FIP1L1: variants seen among roughly 807,000 people sequenced by gnomAD.
The protein encoded by FIP1L1 is factor interacting with PAPOLA and CPSF1, also known as pre-mRNA 3'-end-processing factor FIP1.
A neutral mutation model predicts 84.6 loss-of-function variants in FIP1L1; 21 were observed. The observed-to-expected ratio is 0.25, with a 90% CI of 0.18 to 0.36. The LOEUF is 0.36. Among genes scored for constraint, FIP1L1 ranks in the 10% least tolerant of loss-of-function variants. FIP1L1 has a pLI of 1.00. For synonymous variants in FIP1L1, 263 were observed against 242.3 expected, an observed-to-expected ratio of 1.09 and a Z score of -0.80; for missense variants, 526 against 751.1, an observed-to-expected ratio of 0.70 and a Z score of 3.50.
intron 3 of FIP1L1, among the ~76,000 whole-genome samples, chr4:53,381,383 A>G (rs1737777813): frequency 6.6e-6 from 1 of 152,112 alleles, no homozygotes. Context: ...CAATTGTGTT[A>G]TATCTATCCA....
At chr4:53,399,136 G>GA (rs1160088857) in intron 9 of FIP1L1, among the ~76,000 whole-genome samples, 2 of 152,216 alleles carry the variant, frequency 1.3e-5, no homozygotes, top group African/African-American at 4.8e-5. Context: ...CTGGGTGACA[G>GA]AGTGAGAAGA....
chr4:53,381,506 C>T (rs568924136), intron 3 of FIP1L1, among the ~76,000 whole-genome samples: 1 of 152,228 alleles, frequency 6.6e-6, no homozygotes, highest in South Asian at 2.1e-4. Context: ...ACAATTATAG[C>T]TGCATATTTG....
chr4:53,383,033 T>C (rs951408897), intron 4 of FIP1L1, among the ~76,000 whole-genome samples: 22 of 152,012 alleles, frequency 1.4e-4, no homozygotes, highest in African/African-American at 4.6e-4. Flanking sequence ...TTTTTTTAAT[T>C]CTTTAATTGA....
chr4:53,455,242 A>G (rs1157418177), intron 16 of FIP1L1, among the ~76,000 whole-genome samples: 1 of 152,190 alleles, frequency 6.6e-6, no homozygotes, highest in Admixed American at 6.5e-5. Flanking sequence ...TCATGTGTTC[A>G]CTGGAGTAGC....
intron 11 of FIP1L1, among the ~76,000 whole-genome samples, chr4:53,417,738 AACACACAC>A (rs371194870): frequency 1.4e-5 from 1 of 70,392 alleles, no homozygotes; most frequent in African/African-American, 7.5e-5. Flanking sequence ...TCTCTTTTTA[AACACACAC>A]ACACACACAC....
At chr4:53,439,140 T>C (rs1304485903) in intron 13 of FIP1L1, among the ~76,000 whole-genome samples, 2 of 152,180 alleles carry the variant, frequency 1.3e-5, no homozygotes, top group Admixed American at 1.3e-4. Context: ...TTTAATGATC[T>C]GCCTTCCTTA....
intron 16 of FIP1L1, among the ~76,000 whole-genome samples, chr4:53,454,141 G>A (rs1717659781): frequency 1.3e-5 from 2 of 152,180 alleles, no homozygotes. Context: ...TTTATATTCT[G>A]TCAGTGCAAA....
chr4:53,456,206 G>A (rs1718817933), intron 16 of FIP1L1, among the ~76,000 whole-genome samples: 1 of 152,064 alleles, frequency 6.6e-6, no homozygotes, highest in South Asian at 2.1e-4. Flanking sequence ...AAAATAAATT[G>A]CTTTGCCAAG....
rs1218568164 is a variant in FIP1L1, at chr4:53,452,990, C to T, written c.1356C>T (p.Asp452=). The change falls in exon 16 of 18, where the codon GAC becomes GAT. Residue 452 remains aspartate (D), a synonymous_variant. Transcript: ENST00000337488. ...PSLVDTSKQW[D]YYARREKDRD... The stretch of plus-strand genomic sequence containing the variant: ...TTGTGGACACCAGCAAGCAGTGGGA[C>T]TATTATGCCAGAAGAGAGAAAGACC... 2 of 1,613,488 alleles carry T rather than the reference C, an allele frequency of 1.2e-6. No individual in the cohort carries two copies. The highest frequency in any genetic ancestry group is 1.7e-4 in the Middle Eastern group (1 of 5,914).
At chr4:53,391,382 A>T in intron 8 of FIP1L1, 48 bp from the exon 9 acceptor site, 1 of 1,499,894 alleles carries the variant, frequency 6.7e-7, no homozygotes, top group Non-Finnish European at 9.3e-7. Context: ...TGGCCTATTA[A>T]TTAAATATTA....
intron 14 of FIP1L1, 131 bp from the exon 15 acceptor site, chr4:53,443,917 G>T: frequency 3.8e-6 from 2 of 524,834 alleles, no homozygotes; most frequent in African/African-American, 1.9e-5. Flanking sequence ...TAAAATTATA[G>T]AACTAAATTA....
At chr4:53,397,830 A>G (rs1748208873) in intron 9 of FIP1L1, among the ~76,000 whole-genome samples, 1 of 152,182 alleles carries the variant, frequency 6.6e-6, no homozygotes, top group Non-Finnish European at 1.5e-5. Flanking sequence ...TGATGGTGCC[A>G]TTTATTTATA....
intron 3 of FIP1L1, among the ~76,000 whole-genome samples, chr4:53,381,503 T>C (rs952479386): frequency 6.6e-6 from 1 of 152,208 alleles, no homozygotes; most frequent in Non-Finnish European, 1.5e-5. Context: ...TGAACAATTA[T>C]AGCTGCATAT....
At chr4:53,405,151 T>G (rs1452592167) in intron 10 of FIP1L1, among the ~76,000 whole-genome samples, 38 of 152,228 alleles carry the variant, frequency 2.5e-4, no homozygotes, top group African/African-American at 7.2e-4. Flanking sequence ...GGTCTAACAT[T>G]TAAGTCTTTA....
At chr4:53,379,489 T>C (rs554995229) in intron 3 of FIP1L1, among the ~76,000 whole-genome samples, 3 of 152,344 alleles carry the variant, frequency 2.0e-5, no homozygotes, top group African/African-American at 7.2e-5. Context: ...AACTTAGGAT[T>C]GGACTGATTT....
chr4:53,443,369 C>T (rs1357993128), intron 14 of FIP1L1, among the ~76,000 whole-genome samples: 1 of 99,766 alleles, frequency 1.0e-5, no homozygotes, highest in Non-Finnish European at 2.7e-5. Flanking sequence ...TAAAAGGCTA[C>T]TGAATATAAA....
chr4:53,379,235 A>G lies in FIP1L1; in HGVS notation c.141A>G (p.Glu47=). The change falls in exon 3 of 18, where the codon GAA becomes GAG. Residue 47 remains glutamate (E), a synonymous_variant. Transcript: ENST00000337488. ...TATTTTACTTGGTAGATGAAAATGA[A>G]GTTGAAAGGCCAGAAGAAGAAAATG... ...SDLAKDLDEN[E]VERPEEENAS... 6.2e-7 allele frequency: 1 copy of G among 1,605,366 alleles called. No homozygotes were observed. The highest frequency in any genetic ancestry group is 8.5e-7 in the Non-Finnish European group (1 of 1,177,842).
intron 11 of FIP1L1, among the ~76,000 whole-genome samples, chr4:53,418,435 AGTATT>A (rs1760784581): frequency 6.6e-6 from 1 of 152,254 alleles, no homozygotes; most frequent in South Asian, 2.1e-4. Flanking sequence ...AAACTTTAAC[AGTATT>A]CTTCAAGCTA....
chr4:53,425,906 A>C lies in FIP1L1; in HGVS notation c.958A>C (p.Thr320Pro), dbSNP rs1021077655. The C allele has an allele frequency of 6.2e-7, 1 of 1,611,792 alleles. No individual in the cohort carries two copies. The highest frequency in any genetic ancestry group is 1.3e-5 in the African/African-American group (1 of 74,862). Reference protein sequence around the residue: ...LPGAIDVIGQTITISRVEGRR... With the variant: ...LPGAIDVIGQPITISRVEGRR... ...TGGGGCAATTGATGTTATCGGTCAG[A>C]CTATAACTATCAGCCGAGTAGAAGG... is the stretch of plus-strand genomic sequence containing the variant. The change falls in exon 12 of 18, where the codon ACT becomes CCT. Residue 320 changes from threonine to proline, a missense_variant. Coordinates refer to ENST00000337488, the MANE Select transcript of FIP1L1 (RefSeq NM_030917.4).
Sources: gnomAD v4.1 joint callset for allele counts (sites outside exome capture counted in the v4.1 genomes callset) on GRCh38, gnomAD v4.1.1 for gene constraint, MANE v1.5 for transcripts, NCBI Gene and HGNC (gene_info 2026-07-23, HGNC 2026-07-21) for gene names.